The following ITIH4 variants were observed in gnomAD, a reference collection of about 807,000 sequenced individuals.
ITIH4 encodes the protein inter-alpha-trypsin inhibitor heavy chain 4.
In ITIH4, 79 loss-of-function variants were observed where a neutral mutation model predicts 111.8. The ratio of observed to expected loss-of-function variants is 0.71; its 90% CI spans 0.59 to 0.85. The LOEUF (loss-of-function observed/expected upper bound fraction) is 0.85. Ranked by LOEUF, ITIH4 falls within the 40% of genes least tolerant of loss-of-function variation. The pLI, the probability that ITIH4 is intolerant of heterozygous loss-of-function variation, is 0.00. For missense variants in ITIH4, 1,065 were observed against 1,195.8 expected, an observed-to-expected ratio of 0.89 and a Z score of 1.61; for synonymous variants, 472 against 468.3, an observed-to-expected ratio of 1.01 and a Z score of -0.10.
At position 52,823,874 on chromosome 3, in the gene ITIH4, G is replaced by C. The variant is rs953126721; in HGVS notation, c.1302C>G (p.Gly434=). The C allele has an allele frequency of 6.2e-7, 1 of 1,613,736 alleles. No individual in the cohort carries two copies. Among genetic ancestry groups the C allele is most frequent in the Middle Eastern group, 1.6e-4 (1 of 6,062 alleles). The change falls in exon 10 of 24, where the codon GGC becomes GGG. Residue 434 remains glycine (G), a synonymous_variant. Transcript: ENST00000266041. ...AFLEKLALDN[G]GLARRIHEDS... is the part of the protein sequence containing the mutation. ...CCTCATGGATGCGCCGGGCCAGGCC[G>C]CCATTGTCCAGTGCCAGCTTCTCCA...
chr3:52,814,047 C>T lies in ITIH4; in HGVS notation c.2651G>A (p.Trp884Ter). Reference sequence around the variant, plus strand: ...GTCATCTGATGCTGCTGGAGATCCCCAGAGCACCTCCTGGTAAAACTGGCC... The same window carrying T: ...GTCATCTGATGCTGCTGGAGATCCCTAGAGCACCTCCTGGTAAAACTGGCC... ...TLGQFYQEVL[W>*]GSPAASDDGR... Residue 884 changes from tryptophan (W) to a stop codon, truncating the protein, a stop_gained, in exon 23 of 24, where the codon TGG (tryptophan) becomes TAG (stop). Coordinates refer to ENST00000266041, the MANE Select transcript of ITIH4 (RefSeq NM_002218.5). LOFTEE classifies it high-confidence loss of function. 1.2e-6 allele frequency: 2 copies of T among 1,613,858 alleles called. No homozygotes were observed. Among genetic ancestry groups the T allele is most frequent in the Non-Finnish European group, 1.7e-6 (2 of 1,179,916 alleles).
chr3:52,825,942 C>T lies in ITIH4; in HGVS notation c.703G>A (p.Gly235Ser), dbSNP rs376106292. 1.6e-5 allele frequency: 26 copies of T among 1,613,978 alleles called. No individual in the cohort carries two copies. The highest frequency in any genetic ancestry group is 2.2e-5 in the Non-Finnish European group (26 of 1,180,010). ...SPEQQETVLD[G>S]NLIIRYDVDR... The stretch of plus-strand genomic sequence containing the variant: ...ACATCATAGCGGATAATGAGGTTGC[C>T]GTCCAGGACTGTTTCTTGCTGCTCT... The change falls in exon 6 of 24, where the codon GGC becomes AGC. Residue 235 changes from glycine to serine, a missense_variant. By Grantham distance (56) the Gly-to-Ser change is moderately conservative (BLOSUM62 0). Coordinates refer to ENST00000266041, the MANE Select transcript of ITIH4 (RefSeq NM_002218.5).
At chr3:52,813,582 G>C in intron 23 of ITIH4, 92 bp from the exon 24 acceptor site, 2 of 1,149,884 alleles carry the variant, frequency 1.7e-6, no homozygotes, top group Non-Finnish European at 2.6e-6. Context: ...GGAACATGGA[G>C]GGCAGGGAGT....
intron 1 of ITIH4, 98 bp from the exon 2 acceptor site, chr3:52,829,377 A>T (rs1337360376): frequency 2.3e-6 from 3 of 1,327,586 alleles, no homozygotes; most frequent in Non-Finnish European, 3.1e-6. Context: ...GCTCTAGACC[A>T]AACCCTGGCT....
At chr3:52,819,673 G>C in intron 16 of ITIH4, 81 bp downstream of exon 16, 1 of 1,581,124 alleles carries the variant, frequency 6.3e-7, no homozygotes, top group South Asian at 1.1e-5. Context: ...CCCAACAGCT[G>C]GGAGATGAAC....
chr3:52,827,295 T>C (rs1578782237), intron 2 of ITIH4, 98 bp from the exon 3 acceptor site: 1 of 930,358 alleles, frequency 1.1e-6, no homozygotes, highest in Non-Finnish European at 1.8e-6. Context: ...GGTGTGCCTC[T>C]TGACACAGTG....
At position 52,814,059 on chromosome 3, in the gene ITIH4, T is replaced by C. The variant is rs1354485680; in HGVS notation, c.2639A>G (p.Gln880Arg). ...TGCTGGAGATCCCCAGAGCACCTCC[T>C]GGTAAAACTGGCCTGAGATACAAAG... is the stretch of plus-strand genomic sequence containing the variant. ...HVGGTLGQFY[Q>R]EVLWGSPAAS... Residue 880 changes from glutamine to arginine, a missense_variant, in exon 23 of 24, where the codon CAG (glutamine) becomes CGG (arginine). Physicochemically the swap from Gln to Arg is conservative, Grantham distance 43 (BLOSUM62 1). Coordinates refer to ENST00000266041, the MANE Select transcript of ITIH4 (RefSeq NM_002218.5). 6.2e-7 allele frequency: 1 copy of C among 1,613,818 alleles called. No individual in the cohort carries two copies. Among genetic ancestry groups the C allele is most frequent in the Non-Finnish European group, 8.5e-7 (1 of 1,179,916 alleles).
In ITIH4 at chr3:52,817,047, T is replaced by TC; in HGVS notation, c.2307dup (p.Thr770AspfsTer5). On this transcript the variant is annotated frameshift_variant, in exon 21 of 24. Coordinates refer to ENST00000266041, the MANE Select transcript of ITIH4 (RefSeq NM_002218.5). LOFTEE classifies it high-confidence loss of function. Reference sequence around the variant, plus strand: ...GCCTTCTCCCTCTCATACTGGCCAGTCACCTCAACCCCTGGGAGGACCAGA... The same window carrying TC: ...GCCTTCTCCCTCTCATACTGGCCAGTCCACCTCAACCCCTGGGAGGACCAGA... 1 of 1,612,714 alleles carries TC rather than the reference T, an allele frequency of 6.2e-7. No individual in the cohort carries two copies. The highest frequency in any genetic ancestry group is 1.3e-5 in the African/African-American group (1 of 75,004).
At chr3:52,813,890 G>T in intron 23 of ITIH4, 85 bp downstream of exon 23, 1 of 1,053,562 alleles carries the variant, frequency 9.5e-7, no homozygotes, top group Non-Finnish European at 1.4e-6. Context: ...AAGGACAGGA[G>T]TGGGGCCCTG....
chr3:52,828,513 T>A (rs1700519457), intron 2 of ITIH4, among the ~76,000 whole-genome samples: 2 of 152,206 alleles, frequency 1.3e-5, no homozygotes, highest in Admixed American at 6.5e-5. Flanking sequence ...CAGCTTTTCC[T>A]GGCAGCAAGG....
chr3:52,826,877 C>T lies in ITIH4; in HGVS notation c.433G>A (p.Val145Ile). The T allele has an allele frequency of 6.2e-7, 1 of 1,614,072 alleles. No homozygotes were observed. Among genetic ancestry groups the T allele is most frequent in the African/African-American group, 1.3e-5 (1 of 75,038 alleles). ...CGCCGCTTGAGCAGCTCCTCATAGA[C>T]CAGCTCAAAGGTGATCTTGGCATTG... ...APNAKITFEL[V>I]YEELLKRRLG... is the part of the protein sequence containing the mutation. The change falls in exon 4 of 24, where the codon GTC (valine) becomes ATC (isoleucine). Residue 145 changes from valine to isoleucine, a missense_variant. Transcript: ENST00000266041.
At position 52,824,669 on chromosome 3, in the gene ITIH4, G is replaced by T; in HGVS notation, c.877-104C>A. ...CTCCTGTCTCAGGGGTGAGGTCATG[G>T]TATCTGCTCTAGGAACAGGGGCTGC... On this transcript the variant is annotated intron_variant, in intron 7 of 23. Transcript: ENST00000266041. This position sits in a 1 kb window ranked among gnomAD's most constrained non-coding sequence, Gnocchi z 4.3. 1 of 1,357,160 alleles carries T rather than the reference G, an allele frequency of 7.4e-7. No homozygotes were observed. 84.1% of individuals were successfully genotyped at this position (1,357,160 alleles called of 1,614,324 possible). A position where few individuals can be genotyped will look rare whatever the true frequency, so the allele number is the denominator to read the frequency against.
In ITIH4 at chr3:52,819,718, T is replaced by C. The variant is rs201127056; in HGVS notation, c.1951+36A>G. The stretch of plus-strand genomic sequence containing the variant: ...CCTCCCTCAAGCTCCCCCCCAGGGA[T>C]GTCATGCCTCCCCCTGGCAGAAACC... On this transcript the variant is annotated intron_variant, in intron 16 of 23. Coordinates refer to ENST00000266041, the MANE Select transcript of ITIH4 (RefSeq NM_002218.5). The C allele has an allele frequency of 3.0e-5, 48 of 1,606,466 alleles. No homozygotes were observed. In the East Asian group the frequency reaches 1.0e-3, roughly 35 times the overall value.
chr3:52,820,818 C>A, intron 12 of ITIH4, 33 bp from the exon 13 acceptor site: 1 of 1,577,218 alleles, frequency 6.3e-7, no homozygotes, highest in Non-Finnish European at 8.6e-7. Flanking sequence ...CTCAGGAGAT[C>A]CTTGAATTCG....
At position 52,824,834 on chromosome 3, in the gene ITIH4, G is replaced by A. The variant is rs1303649578; in HGVS notation, c.876+8C>T. The A allele has an allele frequency of 6.2e-7, 1 of 1,605,928 alleles. No individual in the cohort carries two copies. The highest frequency in any genetic ancestry group is 1.3e-5 in the African/African-American group (1 of 74,752). ...TTTCAGGGCCCTGCCCTGGGCCACA[G>A]GACCTACCTGCTGGATTTTCCTGCC... On this transcript the variant is annotated splice_region_variant and intron_variant, in intron 7 of 23. Transcript: ENST00000266041. The surrounding 1 kb of genome is among the most constrained non-coding windows in gnomAD (Gnocchi z 4.3).
At chr3:52,829,408 G>T in intron 1 of ITIH4, 129 bp from the exon 2 acceptor site, 1 of 965,294 alleles carries the variant, frequency 1.0e-6, no homozygotes, top group Non-Finnish European at 1.5e-6. Context: ...CTGAGCCACT[G>T]ACCAGGCCTC....
At chr3:52,817,342 C>T (rs961261687) in intron 20 of ITIH4, among the ~76,000 whole-genome samples, 1 of 152,228 alleles carries the variant, frequency 6.6e-6, no homozygotes, top group African/African-American at 2.4e-5. Context: ...AGTCAATAAG[C>T]CTTCAGAACG....
At chr3:52,818,380 T>G in intron 18 of ITIH4, 82 bp downstream of exon 18, 1 of 1,571,296 alleles carries the variant, frequency 6.4e-7, no homozygotes, top group Non-Finnish European at 8.7e-7. Context: ...GTTCCCTCAC[T>G]ACTTCAACAT....
At position 52,823,923 on chromosome 3, in the gene ITIH4, C is replaced by T; in HGVS notation, c.1253G>A (p.Gly418Asp). ...GRYSLFCLGF[G>D]FDVSYAFLEK... ...CAGGAAGGCATAGCTGACGTCGAAA[C>T]CGAAGCCCAGGCAGAAGAGGCTGTA... The change falls in exon 10 of 24, where the codon GGT becomes GAT. Residue 418 changes from glycine (G) to aspartate (D), a missense_variant. By Grantham distance (94) the Gly-to-Asp change is moderately conservative (BLOSUM62 -1). Transcript: ENST00000266041. The T allele has an allele frequency of 6.2e-7, 1 of 1,610,064 alleles. No homozygotes were observed. The highest frequency in any genetic ancestry group is 8.5e-7 in the Non-Finnish European group (1 of 1,178,290).
Sources: allele counts gnomAD v4.1 joint callset (sites outside exome capture counted in the v4.1 genomes callset), GRCh38; gene constraint gnomAD v4.1.1; non-coding constraint Gnocchi (gnomAD v3.1); transcripts MANE v1.5; gene names NCBI Gene and HGNC (gene_info 2026-07-23, HGNC 2026-07-21).